IQCM: variants seen among roughly 807,000 people sequenced by gnomAD.
The protein encoded by IQCM is IQ motif containing M, also known as IQ domain-containing protein M.
Under a neutral mutation model 57.6 loss-of-function variants are expected in IQCM, and 45 were observed. The ratio of observed to expected loss-of-function variants is 0.78; its 90% CI spans 0.62 to 1.00. The LOEUF is 1.00. IQCM is among the 50% of genes least tolerant of loss of function. The pLI, the probability that IQCM is intolerant of heterozygous loss-of-function variation, is 0.00. For synonymous variants in IQCM, 148 were observed against 158.9 expected (o/e 0.93, Z 0.51); for missense variants, 468 against 511.6 (o/e 0.91, Z 0.82).
intron 12 of IQCM, among the ~76,000 whole-genome samples, chr4:149,458,369 C>T (rs1191756782): frequency 6.6e-6 from 1 of 151,978 alleles, no homozygotes; most frequent in East Asian, 1.9e-4. Context: ...ATGATAAAAG[C>T]TCTTAAGATT....
At chr4:149,612,089 GGA>G (rs3057351) in intron 8 of IQCM, among the ~76,000 whole-genome samples, 74,232 of 148,758 alleles carry the variant, frequency 0.5, 18,553 homozygotes, top group South Asian at 0.59. Context: ...CATGGGGGAA[GGA>G]GAGAGAGAGA....
intron 5 of IQCM, among the ~76,000 whole-genome samples, chr4:149,689,805 A>G (rs1762814701): frequency 3.3e-5 from 5 of 152,122 alleles, no homozygotes; most frequent in Admixed American, 3.3e-4. Context: ...AGATATACAA[A>G]TGCCCAACAA....
chr4:149,734,066 A>T (rs1269189219), intron 4 of IQCM, among the ~76,000 whole-genome samples: 1 of 152,178 alleles, frequency 6.6e-6, no homozygotes, highest in Non-Finnish European at 1.5e-5. Context: ...TGAACAACAG[A>T]GAAATAATAC....
At chr4:149,757,739 ATATGTGTGTG>A (rs1769119453) in intron 2 of IQCM, among the ~76,000 whole-genome samples, 1 of 100,170 alleles carries the variant, frequency 1.0e-5, no homozygotes, top group Non-Finnish European at 2.4e-5. Flanking sequence ...CTGATATTAT[ATATGTGTGTG>A]TGTGTGTGTG....
chr4:149,596,200 C>T (rs1301483026), intron 8 of IQCM, among the ~76,000 whole-genome samples: 2 of 151,972 alleles, frequency 1.3e-5, no homozygotes, highest in African/African-American at 4.8e-5. Context: ...AGGTTGGAAT[C>T]TATTTGAAAA....
At chr4:149,443,170 A>G (rs988625591) in intron 12 of IQCM, among the ~76,000 whole-genome samples, 1 of 152,036 alleles carries the variant, frequency 6.6e-6, no homozygotes, top group Non-Finnish European at 1.5e-5. Context: ...AAGCCCTTTC[A>G]ACTCATTGCA....
intron 12 of IQCM, among the ~76,000 whole-genome samples, chr4:149,460,034 A>G (rs943802102): frequency 3.3e-5 from 5 of 152,076 alleles, no homozygotes; most frequent in African/African-American, 1.2e-4. Flanking sequence ...CATTCCCACC[A>G]ACGGTACACA....
intron 7 of IQCM, among the ~76,000 whole-genome samples, chr4:149,660,838 G>T (rs933337982): frequency 1.3e-5 from 2 of 151,868 alleles, no homozygotes; most frequent in Non-Finnish European, 2.9e-5. Flanking sequence ...GTTGTGGGGT[G>T]GGGGGAGTGG....
At chr4:149,591,483 G>T (rs1753165023) in intron 8 of IQCM, among the ~76,000 whole-genome samples, 1 of 151,566 alleles carries the variant, frequency 6.6e-6, no homozygotes. Context: ...TTAAGTTCTA[G>T]GGTACATGTG....
At chr4:149,635,211 G>A in intron 7 of IQCM, among the ~76,000 whole-genome samples, 1 of 152,212 alleles carries the variant, frequency 6.6e-6, no homozygotes, top group East Asian at 1.9e-4. Flanking sequence ...TAAAGTGCAA[G>A]GAGGCATATC....
At chr4:149,747,229 A>G (rs1768010821) in intron 2 of IQCM, among the ~76,000 whole-genome samples, 1 of 152,234 alleles carries the variant, frequency 6.6e-6, no homozygotes, top group African/African-American at 2.4e-5. Flanking sequence ...ATGAGGGCCA[A>G]TATAACAGGA....
intron 4 of IQCM, among the ~76,000 whole-genome samples, chr4:149,734,801 T>C (rs1249485418): frequency 3.3e-5 from 5 of 152,090 alleles, no homozygotes; most frequent in Non-Finnish European, 7.4e-5. Context: ...TGTTATCCCT[T>C]TCCCTTTCAC....
chr4:149,686,315 A>G (rs1762544965), intron 6 of IQCM, 63 bp downstream of exon 6: 3 of 736,860 alleles, frequency 4.1e-6, no homozygotes, highest in African/African-American at 3.7e-5. Flanking sequence ...ACAATTGGTC[A>G]GGGAATATTG....
chr4:149,661,054 T>G (rs140926973), intron 7 of IQCM, among the ~76,000 whole-genome samples: 1 of 152,252 alleles, frequency 6.6e-6, no homozygotes, highest in Non-Finnish European at 1.5e-5. Context: ...TTTGTCTTGT[T>G]TCCAATCTGA....
intron 9 of IQCM, among the ~76,000 whole-genome samples, chr4:149,582,307 CATATATATATATATATATATATAT>C (rs70965193): frequency 0.025 from 2,189 of 87,988 alleles, 55 homozygotes; most frequent in East Asian, 0.051. Flanking sequence ...ATGCTGTAGA[CATATATATATATATATATATATAT>C]ATATATATAT....
At chr4:149,762,311 G>C (rs1031657039) in intron 2 of IQCM, among the ~76,000 whole-genome samples, 1 of 151,282 alleles carries the variant, frequency 6.6e-6, no homozygotes, top group East Asian at 1.9e-4. Context: ...AAAACCATTA[G>C]GGTAGCCAAA....
At chr4:149,776,129 C>T (rs201877122) in intron 2 of IQCM, among the ~76,000 whole-genome samples, 1 of 151,772 alleles carries the variant, frequency 6.6e-6, no homozygotes. Flanking sequence ...AAGGCTGTGT[C>T]TCTAAAAAAT....
At chr4:149,637,129 G>A (rs2150107265) in intron 7 of IQCM, among the ~76,000 whole-genome samples, 1 of 125,464 alleles carries the variant, frequency 8.0e-6, no homozygotes, top group South Asian at 2.5e-4. Flanking sequence ...CGGCCTGGGC[G>A]ACAGAGCGAG....
At chr4:149,471,785 G>A (rs1048938554) in intron 12 of IQCM, among the ~76,000 whole-genome samples, 1 of 152,160 alleles carries the variant, frequency 6.6e-6, no homozygotes, top group Non-Finnish European at 1.5e-5. Context: ...GATCAAGTTG[G>A]CTTCATCCCT....
Sources: allele counts gnomAD v4.1 joint callset (sites outside exome capture counted in the v4.1 genomes callset), GRCh38; gene constraint gnomAD v4.1.1; transcripts MANE v1.5; gene names NCBI Gene and HGNC (gene_info 2026-07-23, HGNC 2026-07-21).